The following ITGA2 variants were observed in gnomAD, a reference collection of about 807,000 sequenced individuals.
ITGA2 encodes the protein integrin subunit alpha 2.
ITGA2 carries 101 observed loss-of-function variants against 146.3 expected under a neutral mutation model. That is an observed-to-expected ratio of 0.69 (90% CI 0.59 to 0.81). The LOEUF (loss-of-function observed/expected upper bound fraction) is 0.81. ITGA2 is among the 40% of genes least tolerant of loss of function. The pLI is 0.00. For synonymous variants in ITGA2, 477 were observed against 487.1 expected, an observed-to-expected ratio of 0.98 and a Z score of 0.27; for missense variants, 1,281 against 1,402.7, an observed-to-expected ratio of 0.91 and a Z score of 1.39.
chr5:53,077,726 C>G (rs1218343522), intron 23 of ITGA2, among the ~76,000 whole-genome samples: 1 of 151,958 alleles, frequency 6.6e-6, no homozygotes, highest in Non-Finnish European at 1.5e-5. Flanking sequence ...ACTCAAGTCT[C>G]CCTGTGACAT....
chr5:53,075,504 C>G (rs1425947219), intron 23 of ITGA2, among the ~76,000 whole-genome samples, 200 bp downstream of exon 23: 4 of 151,954 alleles, frequency 2.6e-5, no homozygotes, highest in African/African-American at 9.7e-5. Context: ...CTTATTAAAC[C>G]AATGAGAGTA....
chr5:53,026,232 G>T (rs1057247038), intron 1 of ITGA2, among the ~76,000 whole-genome samples: 1 of 152,090 alleles, frequency 6.6e-6, no homozygotes, highest in Non-Finnish European at 1.5e-5. Context: ...ATGCCTTTTC[G>T]ACAGATGTTT....
intron 1 of ITGA2, among the ~76,000 whole-genome samples, chr5:53,024,463 A>G (rs1372322188): frequency 6.6e-6 from 1 of 152,214 alleles, no homozygotes; most frequent in African/African-American, 2.4e-5. Flanking sequence ...AAAAAATCCT[A>G]GGTGCTGAGA....
intron 4 of ITGA2, among the ~76,000 whole-genome samples, chr5:53,046,912 C>CT (rs1318681359): frequency 1.3e-5 from 2 of 152,022 alleles, no homozygotes; most frequent in East Asian, 3.9e-4. Context: ...TTTTCCATTG[C>CT]TTTTAAAACA....
At chr5:53,047,899 G>T (rs1054565026) in intron 4 of ITGA2, among the ~76,000 whole-genome samples, 2 of 152,182 alleles carry the variant, frequency 1.3e-5, no homozygotes, top group Non-Finnish European at 2.9e-5. Flanking sequence ...ACCTGGCATT[G>T]TTCTTAGTGT....
chr5:53,031,370 C>A (rs1261331185), intron 2 of ITGA2, among the ~76,000 whole-genome samples: 2 of 152,124 alleles, frequency 1.3e-5, no homozygotes, highest in Non-Finnish European at 2.9e-5. Context: ...ATTTTGGTAT[C>A]TTTTTCCTCT....
Position 53,051,443 on chromosome 5 carries a change from A to C in ITGA2, c.663A>C (p.Arg221Ser). The change falls in exon 7 of 30, where the codon AGA becomes AGC. Residue 221 changes from arginine to serine, a missense_variant. Arg to Ser is a moderately radical substitution (Grantham distance 110). Transcript: ENST00000296585. ...TAATTCAGTATGCCAATAATCCAAG[A>C]GTTGTGTTTAACTTGAACACATATA... ...VGLIQYANNP[R>S]VVFNLNTYKT... 1 of 1,613,618 alleles carries C rather than the reference A, an allele frequency of 6.2e-7. No individual in the cohort carries two copies. The highest frequency in any genetic ancestry group is 2.2e-5 in the East Asian group (1 of 44,776).
chr5:53,051,238 G>C (rs1205663583), intron 6 of ITGA2, among the ~76,000 whole-genome samples, 173 bp from the exon 7 acceptor site: 1 of 152,176 alleles, frequency 6.6e-6, no homozygotes, highest in Non-Finnish European at 1.5e-5. Flanking sequence ...GCCTCTAACA[G>C]AGAAGAAATC....
At chr5:53,080,743 G>T in intron 25 of ITGA2, 122 bp downstream of exon 25, 1 of 746,756 alleles carries the variant, frequency 1.3e-6, no homozygotes, top group East Asian at 2.5e-5. Context: ...ATGCAGCCTG[G>T]GTGCCAACTG....
chr5:53,028,027 CCTAT>C (rs1196376752), intron 2 of ITGA2, among the ~76,000 whole-genome samples: 1 of 151,962 alleles, frequency 6.6e-6, no homozygotes, highest in East Asian at 1.9e-4. Flanking sequence ...GCTGCAGTGA[CCTAT>C]GTTGGCACCG....
chr5:53,067,000 T>A, intron 15 of ITGA2, 118 bp from the exon 16 acceptor site: 1 of 1,011,960 alleles, frequency 9.9e-7, no homozygotes, highest in South Asian at 1.4e-5. Context: ...TAAAGTGCTT[T>A]GATAGAGAGT....
chr5:53,041,836 A>G (rs933112373), intron 2 of ITGA2, among the ~76,000 whole-genome samples: 1 of 152,162 alleles, frequency 6.6e-6, no homozygotes, highest in Non-Finnish European at 1.5e-5. Context: ...ATTTGAAATT[A>G]TATATGTGGC....
chr5:52,993,094 A>G lies in ITGA2; in HGVS notation c.64+3562A>G, dbSNP rs144202919. Among the ~76,000 whole-genome samples, 5 of 152,334 alleles carry G rather than the reference A, an allele frequency of 3.3e-5. No homozygotes were observed. The East Asian group carries it at 5.8e-4, about 18-fold the overall frequency. Reference sequence around the variant, plus strand: ...TTGCAACTGACCATTATCCAATGCTAGAAGGGTCAATCCCAAGCAAAATTA... The same window carrying G: ...TTGCAACTGACCATTATCCAATGCTGGAAGGGTCAATCCCAAGCAAAATTA... On this transcript the variant is annotated intron_variant, in intron 1 of 29. Transcript: ENST00000296585.
At chr5:52,989,607 G>C in intron 1 of ITGA2, 75 bp downstream of exon 1, 1 of 1,515,398 alleles carries the variant, frequency 6.6e-7, no homozygotes, top group African/African-American at 1.4e-5. Context: ...GGAGGGATTG[G>C]GCGGAACTAG....
chr5:53,060,475 G>T (rs1744853434), intron 11 of ITGA2, among the ~76,000 whole-genome samples: 1 of 151,930 alleles, frequency 6.6e-6, no homozygotes, highest in Admixed American at 6.6e-5. Flanking sequence ...GAGATAGCAA[G>T]ATTAACAACT....
intron 13 of ITGA2, 52 bp from the exon 14 acceptor site, chr5:53,064,857 AATT>A: frequency 6.5e-7 from 1 of 1,544,766 alleles, no homozygotes; most frequent in Non-Finnish European, 8.9e-7. Flanking sequence ...TCTGAATTTT[AATT>A]ATACAAGTTG....
chr5:53,013,824 T>C (rs1418346981), intron 1 of ITGA2, among the ~76,000 whole-genome samples: 1 of 152,170 alleles, frequency 6.6e-6, no homozygotes, highest in Non-Finnish European at 1.5e-5. Flanking sequence ...TTCACTTCCC[T>C]GGTTATCTGT....
Position 53,090,155 on chromosome 5 carries a change from C to T in ITGA2, c.3465+93C>T, listed in dbSNP as rs868777893. 3.2e-5 allele frequency: 26 copies of T among 800,612 alleles called. No individual in the cohort carries two copies. The Middle Eastern group carries it at 3.3e-3, about 103-fold the overall frequency. The allele number at this position is 800,612 out of a possible 1,614,324, so 49.6% of individuals were successfully genotyped here. A position where few individuals can be genotyped will look rare whatever the true frequency, so the allele number is the denominator to read the frequency against. ...ATCAACTTCAGGTTTTATATGGTAC[C>T]TTCTCTATCACAAGGAGAAAAGAAA... is the stretch of plus-strand genomic sequence containing the variant. On this transcript the variant is annotated intron_variant, in intron 29 of 29. Transcript: ENST00000296585.
chr5:53,010,327 C>G (rs528931288), intron 1 of ITGA2, among the ~76,000 whole-genome samples: 1 of 152,324 alleles, frequency 6.6e-6, no homozygotes, highest in South Asian at 2.1e-4. Flanking sequence ...GCCCAGAGAA[C>G]AGAGGCTCGA....
Sources: gnomAD v4.1 joint callset for allele counts (sites outside exome capture counted in the v4.1 genomes callset) on GRCh38, gnomAD v4.1.1 for gene constraint, MANE v1.5 for transcripts, NCBI Gene and HGNC (gene_info 2026-07-23, HGNC 2026-07-21) for gene names.